The following TMCC1 variants were observed in gnomAD, a reference collection of about 807,000 sequenced individuals.
The protein encoded by TMCC1 is transmembrane and coiled-coil domains protein 1.
A neutral mutation model predicts 52.4 loss-of-function variants in TMCC1; 15 were observed. The observed-to-expected ratio is 0.29, with a 90% CI of 0.19 to 0.44. The LOEUF is 0.44. TMCC1 is among the 20% of genes least tolerant of loss of function. The pLI, the probability that TMCC1 is intolerant of heterozygous loss-of-function variation, is 1.00. For missense variants in TMCC1, 503 were observed against 806.0 expected (o/e 0.62, Z 4.55); for synonymous variants, 279 against 301.9 (o/e 0.92, Z 0.79).
intron 4 of TMCC1, among the ~76,000 whole-genome samples, chr3:129,703,956 G>T (rs1030794383): frequency 2.6e-5 from 4 of 152,292 alleles, no homozygotes; most frequent in African/African-American, 9.6e-5. Flanking sequence ...AAGAAGAGAC[G>T]TGAGACCAGA....
At chr3:129,767,463 C>T (rs1350213975) in intron 4 of TMCC1, among the ~76,000 whole-genome samples, 1 of 151,880 alleles carries the variant, frequency 6.6e-6, no homozygotes, top group Non-Finnish European at 1.5e-5. Context: ...GTTTTGAACT[C>T]CAGGGTTCAA....
At chr3:129,733,962 T>C (rs1165271754) in intron 4 of TMCC1, among the ~76,000 whole-genome samples, 2 of 152,192 alleles carry the variant, frequency 1.3e-5, no homozygotes, top group Non-Finnish European at 2.9e-5. Flanking sequence ...CTGATAGGAA[T>C]AAGTTAGCAT....
At chr3:129,695,724 C>T (rs2047369717) in intron 4 of TMCC1, among the ~76,000 whole-genome samples, 1 of 152,106 alleles carries the variant, frequency 6.6e-6, no homozygotes. Flanking sequence ...GGTAGGGACA[C>T]AGCCAAATCA....
intron 4 of TMCC1, among the ~76,000 whole-genome samples, chr3:129,717,010 T>C (rs940441333): frequency 6.6e-5 from 10 of 152,234 alleles, no homozygotes; most frequent in Admixed American, 5.9e-4. Flanking sequence ...ACAAATTTTT[T>C]CTAATGAATT....
intron 4 of TMCC1, among the ~76,000 whole-genome samples, chr3:129,765,835 T>C (rs1270750280): frequency 6.6e-6 from 1 of 151,962 alleles, no homozygotes; most frequent in Non-Finnish European, 1.5e-5. Flanking sequence ...ACCCTCACTT[T>C]AAGAGTTTGA....
chr3:129,719,991 C>T (rs2049435730), intron 4 of TMCC1, among the ~76,000 whole-genome samples: 1 of 151,736 alleles, frequency 6.6e-6, no homozygotes. Context: ...GACCAAGCCT[C>T]AGCAACATGG....
At chr3:129,838,357 C>T (rs1212014972) in intron 2 of TMCC1, among the ~76,000 whole-genome samples, 2 of 151,880 alleles carry the variant, frequency 1.3e-5, no homozygotes, top group African/African-American at 2.4e-5. Flanking sequence ...TGCAAAGAGC[C>T]GTGAGCGTCC....
rs758668830 is a variant in TMCC1 at position 129,654,985 on chromosome 3, G to A, written c.1630C>T (p.Arg544Trp). Residue 544 changes from arginine to tryptophan, a missense_variant, in exon 6 of 7, where the codon CGG (arginine) becomes TGG (tryptophan). By Grantham distance (101) the Arg-to-Trp change is moderately radical. Transcript: ENST00000393238. ...EEKIAYQSYE[R>W]ARDIQEALEA... ...ATACTAACCTGGATGTCCCGGGCCC[G>A]TTCATAGGACTGATACGCGATTTTT... The A allele has an allele frequency of 7.4e-6, 12 of 1,613,636 alleles. No individual in the cohort carries two copies. The highest frequency in any genetic ancestry group is 1.3e-5 in the African/African-American group (1 of 74,778).
intron 4 of TMCC1, among the ~76,000 whole-genome samples, chr3:129,672,298 G>T (rs1467880025): frequency 3.3e-5 from 5 of 152,102 alleles, no homozygotes; most frequent in African/African-American, 1.2e-4. Flanking sequence ...AAAGAAGAAG[G>T]CTCTAGAAAC....
At chr3:129,731,469 T>C (rs1654669120) in intron 4 of TMCC1, among the ~76,000 whole-genome samples, 1 of 152,158 alleles carries the variant, frequency 6.6e-6, no homozygotes, top group African/African-American at 2.4e-5. Context: ...TCCCAGCTAC[T>C]TGGGAGACTG....
At chr3:129,817,157 A>G (rs191467988) in intron 4 of TMCC1, among the ~76,000 whole-genome samples, 1 of 152,378 alleles carries the variant, frequency 6.6e-6, no homozygotes, top group East Asian at 1.9e-4. Flanking sequence ...TAAATTATAT[A>G]TCAATTTTAA....
At chr3:129,697,085 A>C (rs1450281801) in intron 4 of TMCC1, among the ~76,000 whole-genome samples, 1 of 152,190 alleles carries the variant, frequency 6.6e-6, no homozygotes, top group Non-Finnish European at 1.5e-5. Flanking sequence ...GCAGTGCCCC[A>C]GTGGGGACTC....
In TMCC1 at chr3:129,827,894, G is replaced by T; in HGVS notation, c.485C>A (p.Ala162Glu). 1 of 1,614,148 alleles carries T rather than the reference G, an allele frequency of 6.2e-7. No homozygotes were observed. Among genetic ancestry groups the T allele is most frequent in the Non-Finnish European group, 8.5e-7 (1 of 1,180,024 alleles). The change falls in exon 4 of 7, where the codon GCA becomes GAA. Residue 162 changes from alanine to glutamate, a missense_variant. By Grantham distance (107) the Ala-to-Glu change is moderately radical (BLOSUM62 -1). Around this residue, in one of 7 missense-constraint regions of TMCC1, gnomAD observed 217 missense variants for 297.9 expected, o/e 0.73. Transcript: ENST00000393238. ...TTCCATCATAGCAGAGCTGGTAGGT[G>T]CATCAGTTGTGGATGAAGACCTGGG... is the stretch of plus-strand genomic sequence containing the variant. ...GRPRSSSTTD[A>E]PTSSAMMEIA...
At chr3:129,743,113 T>C (rs2051605943) in intron 4 of TMCC1, among the ~76,000 whole-genome samples, 1 of 152,160 alleles carries the variant, frequency 6.6e-6, no homozygotes, top group Non-Finnish European at 1.5e-5. Context: ...ATTGTAGTAA[T>C]GGTTGCACTC....
At chr3:129,701,332 G>C (rs1298142595) in intron 4 of TMCC1, among the ~76,000 whole-genome samples, 1 of 152,216 alleles carries the variant, frequency 6.6e-6, no homozygotes. Flanking sequence ...AGTCTCTTCT[G>C]TTCTCTCTCA....
At chr3:129,796,116 GATT>G (rs1482357674) in intron 4 of TMCC1, among the ~76,000 whole-genome samples, 6 of 152,132 alleles carry the variant, frequency 3.9e-5, no homozygotes, top group African/African-American at 9.7e-5. Flanking sequence ...GGTCCCATAA[GATT>G]ATAATACTGT....
chr3:129,763,815 G>A (rs1041699150), intron 4 of TMCC1, among the ~76,000 whole-genome samples: 2 of 150,558 alleles, frequency 1.3e-5, no homozygotes, highest in African/African-American at 2.4e-5. Context: ...GACAGAGTGA[G>A]ACTCTGTCTC....
chr3:129,676,770 T>C (rs1225682994), intron 4 of TMCC1, among the ~76,000 whole-genome samples: 2 of 152,238 alleles, frequency 1.3e-5, no homozygotes. Context: ...CACCTACTTG[T>C]TCTCTTTCAA....
intron 4 of TMCC1, among the ~76,000 whole-genome samples, chr3:129,817,206 G>T (rs981373155): frequency 6.6e-6 from 1 of 152,088 alleles, no homozygotes; most frequent in Non-Finnish European, 1.5e-5. Context: ...AAGCACATTT[G>T]AATCAGGTTT....
Sources: allele counts gnomAD v4.1 joint callset (sites outside exome capture counted in the v4.1 genomes callset), GRCh38; gene constraint gnomAD v4.1.1; regional missense constraint gnomAD v4.1.1; transcripts MANE v1.5; gene names NCBI Gene and HGNC (gene_info 2026-07-23, HGNC 2026-07-21).